Variants in ESS2 observed in about 807,000 individuals in gnomAD.
The protein encoded by ESS2 is splicing factor ESS-2 homolog.
A neutral mutation model predicts 52.0 loss-of-function variants in ESS2; 31 were observed. The ratio of observed to expected loss-of-function variants is 0.60; its 90% CI spans 0.45 to 0.81. The LOEUF (loss-of-function observed/expected upper bound fraction) is 0.81, where lower values mean the gene tolerates loss of function less well. Ranked by LOEUF, ESS2 falls within the 30% of genes least tolerant of loss-of-function variation. The pLI, the probability that ESS2 is intolerant of heterozygous loss-of-function variation, is 0.00. For synonymous variants in ESS2, 285 were observed against 259.2 expected, an observed-to-expected ratio of 1.10 and a Z score of -0.95; for missense variants, 602 against 637.2, an observed-to-expected ratio of 0.94 and a Z score of 0.59.
intron 8 of ESS2, among the ~76,000 whole-genome samples, chr22:19,135,856 C>T (rs936032459): frequency 5.3e-5 from 8 of 151,328 alleles, no homozygotes; most frequent in African/African-American, 1.9e-4. Flanking sequence ...GACAAGACCT[C>T]ATTTCTACAC....
In ESS2 at chr22:19,143,130, G is replaced by A. The variant is rs534251175; in HGVS notation, c.136-236C>T. ...TGAAGCAGAAGAATCGCTTAAACTCGGGAGGCGGAGGTTGCAGTGAGCCAA... is the reference window on the plus strand; with the variant it reads ...TGAAGCAGAAGAATCGCTTAAACTCAGGAGGCGGAGGTTGCAGTGAGCCAA... On this transcript the variant is annotated intron_variant, in intron 1 of 9. Transcript: ENST00000252137. Among the ~76,000 whole-genome samples, 13 of 151,540 alleles carry A rather than the reference G, an allele frequency of 8.6e-5. No individual in the cohort carries two copies. In the South Asian group the frequency reaches 1.0e-3, roughly 12 times the overall value.
chr22:19,134,311 G>C lies in ESS2; in HGVS notation c.1316C>G (p.Thr439Arg). 1.2e-6 allele frequency: 2 copies of C among 1,608,856 alleles called. No individual in the cohort carries two copies. Among genetic ancestry groups the C allele is most frequent in the Non-Finnish European group, 1.7e-6 (2 of 1,177,362 alleles). The change falls in exon 10 of 10, where the codon ACA becomes AGA. Residue 439 changes from threonine to arginine, a missense_variant. Thr to Arg is a moderately conservative substitution (Grantham distance 71, BLOSUM62 -1). Transcript: ENST00000252137. ...KTPASGLQTPTSTPAPGSATR... is the reference protein window; with the variant it reads ...KTPASGLQTPRSTPAPGSATR... ...GGCAGAGCCAGGCGCCGGTGTGCTTGTGGGGGTCTGCAGCCCACTGGCCGG... is the reference window on the plus strand; with the variant it reads ...GGCAGAGCCAGGCGCCGGTGTGCTTCTGGGGGTCTGCAGCCCACTGGCCGG...
At position 19,131,674 on chromosome 22, in the gene ESS2, T is replaced by C; in HGVS notation, c.*2522A>G. The C allele has an allele frequency of 3.1e-6, 5 of 1,614,042 alleles. No individual in the cohort carries two copies. The highest frequency in any genetic ancestry group is 2.2e-5 in the South Asian group (2 of 91,064). On this transcript the variant is annotated 3_prime_UTR_variant, in exon 10 of 10. Transcript: ENST00000252137. This position sits in a 1 kb window ranked among gnomAD's most constrained non-coding sequence, Gnocchi z 5.7. ...GGACGGATCTACATCATCATGGAGC[T>C]TGGCGTCCAGGGCGACCTCCTCGAG...
At chr22:19,139,464 G>C (rs932059468) in intron 5 of ESS2, 148 bp downstream of exon 5, 15 of 1,205,006 alleles carry the variant, frequency 1.2e-5, no homozygotes, top group Non-Finnish European at 1.8e-5. Context: ...ACACAGACCT[G>C]TCCACCCTTA....
At chr22:19,138,866 G>C (rs528371172) in intron 6 of ESS2, among the ~76,000 whole-genome samples, 7 of 152,306 alleles carry the variant, frequency 4.6e-5, no homozygotes, top group African/African-American at 1.4e-4. Context: ...CCTGCCCGGT[G>C]TGTGGGCGTG....
intron 8 of ESS2, among the ~76,000 whole-genome samples, chr22:19,136,886 CG>C (rs1347195103): frequency 6.6e-6 from 1 of 152,086 alleles, no homozygotes; most frequent in African/African-American, 2.4e-5. Flanking sequence ...TGGTCTGTGC[CG>C]GGCCTCACAC....
At chr22:19,137,187 G>A (rs945846845) in intron 8 of ESS2, 136 bp downstream of exon 8, 3 of 654,348 alleles carry the variant, frequency 4.6e-6, no homozygotes, top group Non-Finnish European at 8.0e-6. Flanking sequence ...TCAGCACCCT[G>A]GCATTCAGAA....
At chr22:19,143,716 C>G (rs1016373361) in intron 1 of ESS2, among the ~76,000 whole-genome samples, 2 of 152,234 alleles carry the variant, frequency 1.3e-5, no homozygotes, top group Admixed American at 1.3e-4. Context: ...ATTAGCCGGG[C>G]GTGGTGGCGG....
Position 19,142,604 on chromosome 22 carries a change from CAG to C in ESS2, c.332_333del (p.Pro111ArgfsTer47), listed in dbSNP as rs1447201323. ...ACCACTCCAGTGCCTGCATGCACCT[CAG>C]GGGTTTCAAATGTGGCTGGAGTCAC... ...PYVTPATFET[P>X]EVHAGTGVVG... On this transcript the variant is annotated frameshift_variant, in exon 3 of 10. Transcript: ENST00000252137. LOFTEE classifies it high-confidence loss of function. The C allele has an allele frequency of 7.4e-6, 12 of 1,613,680 alleles. No individual in the cohort carries two copies. The highest frequency in any genetic ancestry group is 1.0e-5 in the Non-Finnish European group (12 of 1,179,886).
intron 7 of ESS2, chr22:19,137,644 C>G (rs898030831): frequency 1.2e-6 from 1 of 807,252 alleles, no homozygotes; most frequent in African/African-American, 1.9e-5. Context: ...GGCTCAAGGC[C>G]CTACAGCCAT....
At position 19,130,657 on chromosome 22, in the gene ESS2, C is replaced by A; in HGVS notation, c.*3539G>T. ...AACTTGTCTTCAGATTTTGTCGACC[C>A]GAGATGGGTCCTGGCACTAGGAATG... On this transcript the variant is annotated 3_prime_UTR_variant, in exon 10 of 10. Transcript: ENST00000252137. The A allele has an allele frequency of 3.3e-6, 1 of 303,552 alleles. No individual in the cohort carries two copies. The highest frequency in any genetic ancestry group is 6.4e-6 in the Non-Finnish European group (1 of 157,086). 18.8% of individuals were successfully genotyped at this position (303,552 alleles called of 1,614,324 possible).
In ESS2 at chr22:19,138,125, AGGCCAGGAGT is replaced by A. The variant is rs2083616446; in HGVS notation, c.925+80_925+89del. The A allele has an allele frequency of 5.7e-5, 90 of 1,585,920 alleles. No individual in the cohort carries two copies. The South Asian group carries it at 9.9e-4, about 17-fold the overall frequency. ...ACAAGGTGTGGGGCAGGCCAGGTAG[AGGCCAGGAGT>A]GGCCAGGGCCGACTGAGAAGCCCAC... On this transcript the variant is annotated intron_variant, in intron 7 of 9. Transcript: ENST00000252137.
At chr22:19,137,627 C>T (rs879133517) in intron 7 of ESS2, 195 bp from the exon 8 acceptor site, 8 of 708,782 alleles carry the variant, frequency 1.1e-5, no homozygotes, top group African/African-American at 7.7e-5. Flanking sequence ...CCAGCAGGCC[C>T]GAGGCAGGCT....
rs532703283 is a variant in ESS2, at chr22:19,144,619, C to G, written c.22G>C (p.Ala8Pro). Residue 8 changes from alanine (A) to proline (P), a missense_variant, in exon 1 of 10, where the codon GCG (alanine) becomes CCG (proline). By Grantham distance (27) the Ala-to-Pro change is conservative. Coordinates refer to ENST00000252137, the MANE Select transcript of ESS2 (RefSeq NM_022719.3). ...GCGGCGGGAAGCAACAAGGACGACG[C>G]TGATGCGCCCGGCGTCTCCATCGCT... is the stretch of plus-strand genomic sequence containing the variant. METPGAS[A>P]SSLLLPAASR... The G allele has an allele frequency of 6.5e-7, 1 of 1,546,866 alleles. No homozygotes were observed. The highest frequency in any genetic ancestry group is 1.2e-5 in the South Asian group (1 of 85,460).
rs1048566546 is a variant in ESS2 at position 19,131,259 on chromosome 22, G to A, written c.*2937C>T. ...TTGGCTGAAGTCACCCGGAGACAAT[G>A]CTGAGTGTTCCACCCCTGAGTCGAA... is the stretch of plus-strand genomic sequence containing the variant. On this transcript the variant is annotated 3_prime_UTR_variant, in exon 10 of 10. Transcript: ENST00000252137. The surrounding 1 kb of genome is among the most constrained non-coding windows in gnomAD (Gnocchi z 5.7). 1 of 681,804 alleles carries A rather than the reference G, an allele frequency of 1.5e-6. No homozygotes were observed. The highest frequency in any genetic ancestry group is 1.9e-5 in the South Asian group (1 of 52,656). The allele number at this position is 681,804 out of a possible 1,614,324, so 42.2% of individuals were successfully genotyped here.
intron 8 of ESS2, among the ~76,000 whole-genome samples, chr22:19,136,180 G>A (rs897164980): frequency 2.6e-4 from 40 of 152,068 alleles, no homozygotes; most frequent in African/African-American, 9.7e-4. Context: ...TGGCCAACAT[G>A]GTGAAACCCC....
At position 19,131,130 on chromosome 22, in the gene ESS2, G is replaced by A. The variant is rs1321502855; in HGVS notation, c.*3066C>T. On this transcript the variant is annotated 3_prime_UTR_variant, in exon 10 of 10. Transcript: ENST00000252137. The surrounding 1 kb of genome is among the most constrained non-coding windows in gnomAD (Gnocchi z 5.7). ...GGGGACAGGCTTCCTTCCAGCGGGCGGGGAGTGGGTGCTCCTGCCAGACCA... is the reference window on the plus strand; with the variant it reads ...GGGGACAGGCTTCCTTCCAGCGGGCAGGGAGTGGGTGCTCCTGCCAGACCA... The A allele has an allele frequency of 2.6e-5, 11 of 427,908 alleles. No individual in the cohort carries two copies. The highest frequency in any genetic ancestry group is 3.1e-4 in the Middle Eastern group (1 of 3,268). 26.5% of individuals were successfully genotyped at this position (427,908 alleles called of 1,614,324 possible).
At position 19,139,963 on chromosome 22, in the gene ESS2, G is replaced by A. The variant is rs1190246167; in HGVS notation, c.462C>T (p.Arg154=). ...AGGAGGCATTGTCCTCACTCGTGTA[G>A]CGGCTCAGGAAGACATCTAGGCTGG... is the stretch of plus-strand genomic sequence containing the variant. The part of the protein sequence containing the change: ...PLPSLDVFLS[R]YTSEDNASFQ... The change falls in exon 4 of 10, where the codon CGC becomes CGT. Residue 154 remains arginine (R), a synonymous_variant. Coordinates refer to ENST00000252137, the MANE Select transcript of ESS2 (RefSeq NM_022719.3). The A allele has an allele frequency of 1.2e-6, 2 of 1,614,020 alleles. No individual in the cohort carries two copies. The highest frequency in any genetic ancestry group is 1.3e-5 in the African/African-American group (1 of 74,936).
At position 19,132,460 on chromosome 22, in the gene ESS2, G is replaced by A. The variant is rs772763295; in HGVS notation, c.*1736C>T. 1.2e-6 allele frequency: 2 copies of A among 1,610,166 alleles called. No homozygotes were observed. The highest frequency in any genetic ancestry group is 1.7e-5 in the Admixed American group (1 of 59,836). The stretch of plus-strand genomic sequence containing the variant: ...CATCACATCTCCGGAGCTGAGGTGG[G>A]GAAAGCAAGCACCTAGCATGACAAT... On this transcript the variant is annotated 3_prime_UTR_variant, in exon 10 of 10. Coordinates refer to ENST00000252137, the MANE Select transcript of ESS2 (RefSeq NM_022719.3). This position sits in a 1 kb window ranked among gnomAD's most constrained non-coding sequence, Gnocchi z 4.2.
Sources: gnomAD v4.1 joint callset for allele counts (sites outside exome capture counted in the v4.1 genomes callset) on GRCh38, gnomAD v4.1.1 for gene constraint, Gnocchi (gnomAD v3.1) non-coding constraint, MANE v1.5 for transcripts, NCBI Gene and HGNC (gene_info 2026-07-23, HGNC 2026-07-21) for gene names.